The following SHANK2 variants were observed in gnomAD, a reference collection of about 807,000 sequenced individuals.
SHANK2 encodes SH3 and multiple ankyrin repeat domains protein 2.
In SHANK2, 43 loss-of-function variants were observed where a neutral mutation model predicts 133.7. That is an observed-to-expected ratio of 0.32 (90% confidence interval 0.25 to 0.41). The LOEUF (loss-of-function observed/expected upper bound fraction) is 0.41, where lower values mean the gene tolerates loss of function less well. SHANK2 is among the 10% of genes least tolerant of loss of function. The probability of loss-of-function intolerance (pLI) is 1.00; values close to 1 mark genes in which losing one functional copy is unlikely to be tolerated. For missense variants in SHANK2, 1,994 were observed against 2,235.8 expected (o/e 0.89, Z 2.18); for synonymous variants, 1,017 against 952.8 (o/e 1.07, Z -1.24).
chr11:70,700,025 T>G (rs531816109), intron 14 of SHANK2, among the ~76,000 whole-genome samples: 1 of 152,340 alleles, frequency 6.6e-6, no homozygotes, highest in South Asian at 2.1e-4. Context: ...GGTCAACAGC[T>G]GGGTCTCTGT....
At chr11:71,226,679 T>C (rs1002180682) in intron 1 of SHANK2, 8 of 151,996 alleles carry the variant, frequency 5.3e-5, no homozygotes, top group African/African-American at 1.9e-4. Flanking sequence ...CCTGTAAGAA[T>C]GAAAGGAAAA....
At chr11:70,881,574 T>TAATAA (rs1565380943) in intron 11 of SHANK2, among the ~76,000 whole-genome samples, 643 of 39,344 alleles carry the variant, frequency 0.016, 7 homozygotes, top group Admixed American at 0.027. Flanking sequence ...AATAATAATA[T>TAATAA]TAATAATAAT....
At chr11:71,091,626 T>A (rs1343284330) in intron 8 of SHANK2, among the ~76,000 whole-genome samples, 1 of 152,138 alleles carries the variant, frequency 6.6e-6, no homozygotes, top group Non-Finnish European at 1.5e-5. Context: ...CTGGAGACCC[T>A]GGCCTGCAGC....
intron 17 of SHANK2, among the ~76,000 whole-genome samples, chr11:70,594,285 C>T (rs1265095905): frequency 1.3e-5 from 2 of 152,170 alleles, no homozygotes; most frequent in Non-Finnish European, 1.5e-5. Context: ...CGAAAGATCG[C>T]GTTACGTGAG....
At chr11:70,733,374 C>T (rs782706323) in intron 14 of SHANK2, among the ~76,000 whole-genome samples, 1 of 152,170 alleles carries the variant, frequency 6.6e-6, no homozygotes, top group Non-Finnish European at 1.5e-5. Flanking sequence ...TCATTCAATG[C>T]ACATATTAGC....
chr11:70,679,529 G>A (rs1555017932), intron 15 of SHANK2, among the ~76,000 whole-genome samples: 1 of 152,244 alleles, frequency 6.6e-6, no homozygotes, highest in Non-Finnish European at 1.5e-5. Flanking sequence ...CCAGCCATCA[G>A]CTGTCTCCCC....
chr11:70,657,446 G>A (rs782354745), intron 17 of SHANK2, among the ~76,000 whole-genome samples: 7 of 152,158 alleles, frequency 4.6e-5, no homozygotes, highest in African/African-American at 9.7e-5. Flanking sequence ...AAATCCAGTC[G>A]CTAGGAACAC....
chr11:70,641,527 A>G (rs2061182472), intron 17 of SHANK2, among the ~76,000 whole-genome samples: 2 of 152,030 alleles, frequency 1.3e-5, no homozygotes, highest in Non-Finnish European at 2.9e-5. Context: ...CCTCCCCTGC[A>G]GGGAGGAATG....
At chr11:70,579,927 G>A (rs2136218653) in intron 17 of SHANK2, among the ~76,000 whole-genome samples, 1 of 152,330 alleles carries the variant, frequency 6.6e-6, no homozygotes, top group Admixed American at 6.5e-5. Context: ...AACACAGGCG[G>A]CCTCTAGAAG....
chr11:70,719,637 C>T (rs1318538008), intron 14 of SHANK2, among the ~76,000 whole-genome samples: 39 of 152,046 alleles, frequency 2.6e-4, no homozygotes. Flanking sequence ...AATAGCCCTA[C>T]CTGGCACGCC....
At chr11:71,099,926 G>GT (rs1951690346) in intron 6 of SHANK2, among the ~76,000 whole-genome samples, 1 of 152,122 alleles carries the variant, frequency 6.6e-6, no homozygotes, top group East Asian at 1.9e-4. Context: ...GCATACGCCT[G>GT]TAGTCCCAGC....
intron 14 of SHANK2, among the ~76,000 whole-genome samples, chr11:70,762,775 G>A (rs1298266148): frequency 6.6e-6 from 1 of 152,232 alleles, no homozygotes; most frequent in Non-Finnish European, 1.5e-5. Flanking sequence ...GAGGTGAGGG[G>A]CATTAAGGCC....
chr11:71,250,486 AT>A (rs1948160166), intron 1 of SHANK2, among the ~76,000 whole-genome samples: 1 of 151,892 alleles, frequency 6.6e-6, no homozygotes, highest in African/African-American at 2.4e-5. Context: ...CCACCTACCA[AT>A]CCCCCTCTTA....
chr11:70,724,870 A>G (rs1946148335), intron 14 of SHANK2, among the ~76,000 whole-genome samples: 1 of 152,218 alleles, frequency 6.6e-6, no homozygotes, highest in Non-Finnish European at 1.5e-5. Context: ...TAGTCAGAAG[A>G]AGCAACTTGC....
At chr11:71,172,042 C>T (rs1953324791) in intron 2 of SHANK2, among the ~76,000 whole-genome samples, 1 of 152,186 alleles carries the variant, frequency 6.6e-6, no homozygotes, top group South Asian at 2.1e-4. Context: ...GGCAGTCCCC[C>T]ATGGCTGCCC....
intron 17 of SHANK2, among the ~76,000 whole-genome samples, chr11:70,551,086 A>T (rs2059761877): frequency 6.6e-6 from 1 of 151,208 alleles, no homozygotes; most frequent in African/African-American, 2.4e-5. Flanking sequence ...CCGAGACCTC[A>T]TCCCTGTACT....
intron 11 of SHANK2, among the ~76,000 whole-genome samples, chr11:70,874,110 CATCT>C (rs1357918201): frequency 8.5e-5 from 13 of 152,148 alleles, no homozygotes; most frequent in Admixed American, 1.3e-4. Context: ...TCTATCAATC[CATCT>C]ATCTAATCTA....
In SHANK2 at chr11:70,804,451, GATCCT is replaced by G. The variant is rs1182575509; in HGVS notation, c.1663+2546_1663+2550del. 1.3e-5 allele frequency among the ~76,000 whole-genome samples: 2 copies of G among 152,192 alleles called. No individual in the cohort carries two copies. The highest frequency in any genetic ancestry group is 2.9e-5 in the Non-Finnish European group (2 of 68,030). ...TTCAGAACAGCAGTCCTTTGCCATC[GATCCT>G]TTGAAGTGTGAGTTTTGGAACCGAG... On this transcript the variant is annotated intron_variant, in intron 13 of 25. Coordinates refer to ENST00000601538, the MANE Select transcript of SHANK2 (RefSeq NM_012309.5). This position sits in a 1 kb window ranked among gnomAD's most constrained non-coding sequence, Gnocchi z 4.1.
chr11:70,840,002 C>A (rs573586928), intron 11 of SHANK2, among the ~76,000 whole-genome samples: 1 of 152,168 alleles, frequency 6.6e-6, no homozygotes, highest in Non-Finnish European at 1.5e-5. Context: ...GAATGTCAAG[C>A]GTGAGGTGGG....
Sources: allele counts gnomAD v4.1 joint callset (sites outside exome capture counted in the v4.1 genomes callset), GRCh38; gene constraint gnomAD v4.1.1; non-coding constraint Gnocchi (gnomAD v3.1); transcripts MANE v1.5; gene names NCBI Gene and HGNC (gene_info 2026-07-23, HGNC 2026-07-21).